Variants in KHDRBS2 observed in about 807,000 individuals in gnomAD.
KHDRBS2 encodes KH RNA binding domain containing, signal transduction associated 2, also known as KH domain-containing, RNA-binding, signal transduction-associated protein 2.
In KHDRBS2, 26 loss-of-function variants were observed where a neutral mutation model predicts 44.3. The observed-to-expected ratio is 0.59, with a 90% CI of 0.43 to 0.81. The LOEUF is 0.81. Ranked by LOEUF, KHDRBS2 falls within the 40% of genes least tolerant of loss-of-function variation. The probability of loss-of-function intolerance (pLI) is 0.00; values close to 1 mark genes in which losing one functional copy is unlikely to be tolerated. For missense variants in KHDRBS2, 476 were observed against 433.1 expected, an observed-to-expected ratio of 1.10 and a Z score of -0.88; for synonymous variants, 194 against 151.1, an observed-to-expected ratio of 1.28 and a Z score of -2.08.
At chr6:61,859,955 A>C (rs1379786295) in intron 6 of KHDRBS2, among the ~76,000 whole-genome samples, 1 of 151,990 alleles carries the variant, frequency 6.6e-6, no homozygotes, top group Non-Finnish European at 1.5e-5. Flanking sequence ...TGAGAATGAG[A>C]GGAATATGGG....
intron 1 of KHDRBS2, among the ~76,000 whole-genome samples, chr6:62,209,048 C>G (rs1377707392): frequency 6.6e-6 from 1 of 152,054 alleles, no homozygotes; most frequent in Non-Finnish European, 1.5e-5. Context: ...AGGAAACAAT[C>G]AATGAAATAA....
chr6:61,600,291 G>A, the KHDRBS2 span, among the ~76,000 whole-genome samples: 1 of 151,992 alleles, frequency 6.6e-6, no homozygotes, highest in Non-Finnish European at 1.5e-5. Flanking sequence ...AGTGAAAATG[G>A]CCTGTTCCTG....
the KHDRBS2 span, among the ~76,000 whole-genome samples, chr6:61,565,088 A>G: frequency 6.6e-5 from 10 of 152,134 alleles, no homozygotes; most frequent in Non-Finnish European, 1.2e-4. Context: ...TTTTCAACAA[A>G]TGGTGCTAGG....
intron 3 of KHDRBS2, among the ~76,000 whole-genome samples, chr6:62,019,819 CT>C (rs927392780): frequency 1.2e-4 from 18 of 151,484 alleles, no homozygotes; most frequent in Non-Finnish European, 1.0e-4. Flanking sequence ...TTATTTTTCT[CT>C]TTTTTTTCTT....
At chr6:62,113,771 G>T (rs151217667) in intron 2 of KHDRBS2, among the ~76,000 whole-genome samples, 1 of 152,048 alleles carries the variant, frequency 6.6e-6, no homozygotes, top group East Asian at 1.9e-4. Flanking sequence ...TTTACTAACA[G>T]GGAATTTACA....
At chr6:61,563,907 T>A in the KHDRBS2 span, among the ~76,000 whole-genome samples, 37 of 152,190 alleles carry the variant, frequency 2.4e-4, no homozygotes, top group African/African-American at 8.4e-4. Flanking sequence ...ATTATACAAG[T>A]TAAAGTTTTA....
chr6:61,632,836 T>C, the KHDRBS2 span, among the ~76,000 whole-genome samples: 3 of 152,112 alleles, frequency 2.0e-5, no homozygotes, highest in Non-Finnish European at 4.4e-5. Flanking sequence ...AGTTTTCCCA[T>C]ACATGAAGGG....
intron 6 of KHDRBS2, among the ~76,000 whole-genome samples, chr6:61,752,005 G>C (rs1433348006): frequency 6.6e-6 from 1 of 151,850 alleles, no homozygotes; most frequent in Admixed American, 6.6e-5. Context: ...ATCCAATTAG[G>C]GTCCTGCCTA....
intron 6 of KHDRBS2, among the ~76,000 whole-genome samples, chr6:61,805,796 ACCT>A (rs1230144409): frequency 2.0e-5 from 3 of 152,094 alleles, no homozygotes; most frequent in African/African-American, 7.2e-5. Context: ...TGATCTAATC[ACCT>A]CCTATGAGGT....
At chr6:62,014,889 G>A (rs923322000) in intron 3 of KHDRBS2, among the ~76,000 whole-genome samples, 14 of 152,026 alleles carry the variant, frequency 9.2e-5, no homozygotes, top group African/African-American at 3.1e-4. Flanking sequence ...ATAAGAATGT[G>A]GTTTCGTTTA....
At chr6:61,845,417 C>T (rs1175854196) in intron 6 of KHDRBS2, among the ~76,000 whole-genome samples, 1 of 149,396 alleles carries the variant, frequency 6.7e-6, no homozygotes, top group Non-Finnish European at 1.5e-5. Context: ...TCGAGCGATT[C>T]TCCTGCCTCA....
chr6:61,555,208 A>G, the KHDRBS2 span, among the ~76,000 whole-genome samples: 1 of 151,874 alleles, frequency 6.6e-6, no homozygotes, highest in African/African-American at 2.4e-5. Context: ...ATTCAACTTT[A>G]TTATTTTTTT....
chr6:62,131,197 A>C (rs1408852670), intron 2 of KHDRBS2, among the ~76,000 whole-genome samples: 1 of 152,208 alleles, frequency 6.6e-6, no homozygotes, highest in African/African-American at 2.4e-5. Context: ...AACCTTTGAT[A>C]GTAGAAAAAC....
At chr6:61,790,331 T>A (rs2127585127) in intron 6 of KHDRBS2, among the ~76,000 whole-genome samples, 1 of 151,344 alleles carries the variant, frequency 6.6e-6, no homozygotes, top group East Asian at 1.9e-4. Flanking sequence ...TGAAAGATGC[T>A]TAAGTGAATG....
chr6:61,990,101 C>A (rs1287391213), intron 3 of KHDRBS2, among the ~76,000 whole-genome samples: 2 of 151,932 alleles, frequency 1.3e-5, no homozygotes, highest in Admixed American at 6.6e-5. Context: ...TTCCTCATGC[C>A]TCTACGTGGA....
chr6:61,986,269 A>C (rs1184315111), intron 3 of KHDRBS2, among the ~76,000 whole-genome samples: 2 of 152,212 alleles, frequency 1.3e-5, no homozygotes, highest in Non-Finnish European at 2.9e-5. Flanking sequence ...GAAGCTAAGT[A>C]ACTTGGTTGT....
chr6:62,108,002 C>T (rs1317077409), intron 2 of KHDRBS2, among the ~76,000 whole-genome samples: 6 of 152,206 alleles, frequency 3.9e-5, no homozygotes, highest in Admixed American at 6.5e-5. Context: ...TAGAAGAAAA[C>T]GTAGGCATTA....
At chr6:62,238,078 T>C (rs1173913152) in intron 1 of KHDRBS2, among the ~76,000 whole-genome samples, 1 of 151,064 alleles carries the variant, frequency 6.6e-6, no homozygotes, top group Non-Finnish European at 1.5e-5. Flanking sequence ...AAAATTGATA[T>C]AGTTTCTTGG....
chr6:62,259,799 T>C (rs1838033710), intron 1 of KHDRBS2, among the ~76,000 whole-genome samples: 1 of 152,032 alleles, frequency 6.6e-6, no homozygotes, highest in Admixed American at 6.6e-5. Context: ...CCTAAAAATA[T>C]TATTATTTGC....
Sources: allele counts gnomAD v4.1 joint callset (sites outside exome capture counted in the v4.1 genomes callset), GRCh38; gene constraint gnomAD v4.1.1; transcripts MANE v1.5; gene names NCBI Gene and HGNC (gene_info 2026-07-23, HGNC 2026-07-21).